GPM6A: variants seen among roughly 807,000 people sequenced by gnomAD.
GPM6A encodes neuronal membrane glycoprotein M6-a.
GPM6A carries 7 observed loss-of-function variants against 32.1 expected under a neutral mutation model. That is an observed-to-expected ratio of 0.22 (90% CI 0.12 to 0.41). The LOEUF is 0.41. Ranked by LOEUF, GPM6A falls within the 10% of genes least tolerant of loss-of-function variation. GPM6A has a pLI of 1.00. For synonymous variants in GPM6A, 130 were observed against 123.4 expected, an observed-to-expected ratio of 1.05 and a Z score of -0.35; for missense variants, 235 against 347.2, an observed-to-expected ratio of 0.68 and a Z score of 2.57.
At chr4:175,765,002 T>C (rs1732905619) in intron 1 of GPM6A, among the ~76,000 whole-genome samples, 1 of 151,962 alleles carries the variant, frequency 6.6e-6, no homozygotes, top group South Asian at 2.1e-4. Context: ...GCCTCCCGAA[T>C]AGCTGGGATT....
At chr4:175,711,002 A>G (rs940236465) in intron 1 of GPM6A, among the ~76,000 whole-genome samples, 20 of 152,136 alleles carry the variant, frequency 1.3e-4, no homozygotes, top group African/African-American at 4.6e-4. Context: ...TGCTGTCTGC[A>G]GTGCTTTCTT....
chr4:175,725,456 C>T (rs1025692573), intron 1 of GPM6A, among the ~76,000 whole-genome samples: 12 of 151,842 alleles, frequency 7.9e-5, no homozygotes, highest in Non-Finnish European at 1.8e-4. Flanking sequence ...CCACACCTGG[C>T]TAAATTTTTA....
intron 1 of GPM6A, among the ~76,000 whole-genome samples, chr4:175,761,227 T>C (rs115574875): frequency 0.02 from 3,082 of 152,226 alleles, 83 homozygotes; most frequent in African/African-American, 0.056. Flanking sequence ...TGGGTTCAAG[T>C]GATTCTCCTA....
At chr4:175,637,096 T>C (rs1579323117) in intron 6 of GPM6A, among the ~76,000 whole-genome samples, 5 of 132,802 alleles carry the variant, frequency 3.8e-5, no homozygotes. Flanking sequence ...TAATATATCA[T>C]ATATAATATA....
chr4:175,743,377 C>G (rs139622346), intron 1 of GPM6A, among the ~76,000 whole-genome samples: 3 of 151,462 alleles, frequency 2.0e-5, no homozygotes, highest in Admixed American at 2.0e-4. Context: ...TCTTGGGGAA[C>G]CACTAAGAAC....
chr4:175,811,856 C>A, intron 1 of GPM6A: 1 of 191,140 alleles, frequency 5.2e-6, no homozygotes, highest in Non-Finnish European at 1.1e-5. Context: ...GTGGCTCACA[C>A]TAGGGATCCC....
intron 2 of GPM6A, among the ~76,000 whole-genome samples, chr4:175,698,450 T>C (rs1051124220): frequency 1.3e-5 from 2 of 152,182 alleles, no homozygotes; most frequent in East Asian, 3.9e-4. Flanking sequence ...CTGCCTTCTG[T>C]TTGCTTATTT....
At chr4:175,669,771 A>G (rs1035977389) in intron 3 of GPM6A, among the ~76,000 whole-genome samples, 9 of 152,116 alleles carry the variant, frequency 5.9e-5, no homozygotes, top group African/African-American at 2.2e-4. Flanking sequence ...CTCTTTACTG[A>G]GTTGAAAAAG....
intron 1 of GPM6A, among the ~76,000 whole-genome samples, chr4:175,975,435 T>C (rs974190980): frequency 7.2e-5 from 11 of 152,332 alleles, no homozygotes; most frequent in African/African-American, 2.4e-4. Flanking sequence ...TAACTAACCA[T>C]GTTTACCTTG....
At chr4:175,709,282 G>T (rs1398816908) in intron 1 of GPM6A, among the ~76,000 whole-genome samples, 2 of 142,354 alleles carry the variant, frequency 1.4e-5, no homozygotes, top group African/African-American at 5.3e-5. Context: ...TCCTCCCTCT[G>T]CCCCCTTTCT....
intron 1 of GPM6A, among the ~76,000 whole-genome samples, chr4:175,935,588 C>G (rs1437390552): frequency 6.6e-6 from 1 of 151,986 alleles, no homozygotes; most frequent in Non-Finnish European, 1.5e-5. Context: ...TACCAACATA[C>G]TAAAATCAAA....
At chr4:175,834,591 G>A (rs1292820832) in intron 1 of GPM6A, among the ~76,000 whole-genome samples, 2 of 151,994 alleles carry the variant, frequency 1.3e-5, no homozygotes, top group South Asian at 2.1e-4. Context: ...TGCATGGAAC[G>A]GATTAAACTA....
At chr4:175,982,558 G>C (rs2126444601) in intron 1 of GPM6A, among the ~76,000 whole-genome samples, 1 of 152,240 alleles carries the variant, frequency 6.6e-6, no homozygotes, top group East Asian at 1.9e-4. Flanking sequence ...AGCTGAAATT[G>C]TGATGTGGGT....
Position 175,806,645 on chromosome 4 carries a change from C to T in GPM6A, c.37+5546G>A, listed in dbSNP as rs139412348. Among the ~76,000 whole-genome samples, 409 of 152,332 alleles carry T rather than the reference C, an allele frequency of 2.7e-3. 1 individual carries two copies. The highest frequency in any genetic ancestry group is 4.6e-3 in the Non-Finnish European group (314 of 68,030). On this transcript the variant is annotated intron_variant, in intron 1 of 6. Coordinates refer to ENST00000393658, the MANE Select transcript of GPM6A (RefSeq NM_201591.3). The stretch of plus-strand genomic sequence containing the variant: ...TAATAACCACAACAATGCAGAAGTT[C>T]TACGAATATCTATTGAACTTTATTA...
chr4:175,647,906 G>A (rs1288785273), intron 4 of GPM6A, among the ~76,000 whole-genome samples: 1 of 152,054 alleles, frequency 6.6e-6, no homozygotes, highest in African/African-American at 2.4e-5. Context: ...TATATTAAGA[G>A]CTAAACAGAA....
intron 2 of GPM6A, among the ~76,000 whole-genome samples, chr4:175,686,107 G>A (rs1481777128): frequency 6.6e-6 from 1 of 152,134 alleles, no homozygotes; most frequent in Non-Finnish European, 1.5e-5. Context: ...ACACAGGCAG[G>A]CTTACTTTGT....
At chr4:175,738,387 A>T (rs146587950) in intron 1 of GPM6A, among the ~76,000 whole-genome samples, 1 of 152,248 alleles carries the variant, frequency 6.6e-6, no homozygotes, top group African/African-American at 2.4e-5. Flanking sequence ...AGAAAATGTC[A>T]GTATGCCTTA....
chr4:175,981,521 G>A (rs1160018447), intron 1 of GPM6A, among the ~76,000 whole-genome samples: 1 of 152,064 alleles, frequency 6.6e-6, no homozygotes, highest in Non-Finnish European at 1.5e-5. Flanking sequence ...TTCTTTCACT[G>A]AGCATGCATT....
intron 1 of GPM6A, among the ~76,000 whole-genome samples, chr4:175,979,513 G>A (rs1740761381): frequency 6.6e-6 from 1 of 152,074 alleles, no homozygotes; most frequent in Non-Finnish European, 1.5e-5. Context: ...TTGTCCTTGC[G>A]ATAGTTTGCT....
Sources: allele counts gnomAD v4.1 joint callset (sites outside exome capture counted in the v4.1 genomes callset), GRCh38; gene constraint gnomAD v4.1.1; transcripts MANE v1.5; gene names NCBI Gene and HGNC (gene_info 2026-07-23, HGNC 2026-07-21).